The following UNC79 variants were observed in gnomAD, a reference collection of about 807,000 sequenced individuals.
The protein encoded by UNC79 is protein unc-79 homolog.
In UNC79, 37 loss-of-function variants were observed where a neutral mutation model predicts 283.1. The observed-to-expected ratio is 0.13, with a 90% CI of 0.10 to 0.17. UNC79 has a LOEUF of 0.17. UNC79 is among the 10% of genes least tolerant of loss of function. The pLI is 1.00. For missense variants in UNC79, 2,272 were observed against 3,211.1 expected, an observed-to-expected ratio of 0.71 and a Z score of 7.07; for synonymous variants, 1,107 against 1,200.2, an observed-to-expected ratio of 0.92 and a Z score of 1.61.
intron 14 of UNC79, among the ~76,000 whole-genome samples, chr14:93,562,150 A>G (rs2062597606): frequency 6.6e-6 from 1 of 152,206 alleles, no homozygotes; most frequent in Non-Finnish European, 1.5e-5. Context: ...TTATTCTGGA[A>G]CGGTGAACCC....
chr14:93,353,135 A>G (rs1207115361), intron 1 of UNC79, among the ~76,000 whole-genome samples: 2 of 152,142 alleles, frequency 1.3e-5, no homozygotes, highest in Non-Finnish European at 2.9e-5. Flanking sequence ...TTTCTTCTCC[A>G]CAGGACCCTG....
intron 40 of UNC79, among the ~76,000 whole-genome samples, chr14:93,672,548 T>C (rs2072973405): frequency 6.6e-6 from 1 of 152,112 alleles, no homozygotes; most frequent in Admixed American, 6.6e-5. Flanking sequence ...GAGTGGTTCA[T>C]GGGTACAAGC....
At chr14:93,581,154 T>C (rs2063773285) in intron 19 of UNC79, among the ~76,000 whole-genome samples, 1 of 152,136 alleles carries the variant, frequency 6.6e-6, no homozygotes, top group Admixed American at 6.5e-5. Context: ...TTTGTGTCTT[T>C]AAATTTTTTT....
At chr14:93,459,757 G>A (rs2056896279) in intron 1 of UNC79, among the ~76,000 whole-genome samples, 1 of 112,652 alleles carries the variant, frequency 8.9e-6, no homozygotes, top group South Asian at 3.2e-4. Context: ...TGCAAGCTCC[G>A]CCTCTTGGGT....
At chr14:93,544,158 T>G (rs1421237053) in intron 14 of UNC79, among the ~76,000 whole-genome samples, 1 of 152,228 alleles carries the variant, frequency 6.6e-6, no homozygotes, top group African/African-American at 2.4e-5. Flanking sequence ...TATTCCAACT[T>G]AGGTGCAGAT....
At chr14:93,704,261 A>G (rs1054780325) in intron 47 of UNC79, among the ~76,000 whole-genome samples, 1 of 152,168 alleles carries the variant, frequency 6.6e-6, no homozygotes, top group South Asian at 2.1e-4. Context: ...TCGCCATTCC[A>G]CTCAGACACT....
Position 93,690,066 on chromosome 14 carries a change from A to T in UNC79, c.7086-51A>T. 1 of 1,589,026 alleles carries T rather than the reference A, an allele frequency of 6.3e-7. No individual in the cohort carries two copies. The highest frequency in any genetic ancestry group is 1.1e-5 in the South Asian group (1 of 87,600). On this transcript the variant is annotated intron_variant, in intron 44 of 48. Coordinates refer to ENST00000555664, the Ensembl canonical transcript of UNC79. This position sits in a 1 kb window ranked among gnomAD's most constrained non-coding sequence, Gnocchi z 4.3. ...TTCAATAAGCATTTGTTATGCACCC[A>T]ATGAAACACAAAACATAAAATCATC... is the stretch of plus-strand genomic sequence containing the variant.
At chr14:93,409,659 G>C (rs2055296477) in intron 1 of UNC79, among the ~76,000 whole-genome samples, 1 of 152,132 alleles carries the variant, frequency 6.6e-6, no homozygotes, top group African/African-American at 2.4e-5. Flanking sequence ...CTGCACTACA[G>C]CCTGGGTGAC....
chr14:93,698,450 T>A (rs1351923735), intron 47 of UNC79, among the ~76,000 whole-genome samples: 1 of 151,146 alleles, frequency 6.6e-6, no homozygotes, highest in East Asian at 1.9e-4. Flanking sequence ...CTCTTCATCT[T>A]TGGTAATATT....
intron 42 of UNC79, 93 bp downstream of exon 45, chr14:93,682,787 C>T: frequency 8.1e-7 from 1 of 1,236,542 alleles, no homozygotes; most frequent in Non-Finnish European, 1.2e-6. Context: ...GGGTTTGAGG[C>T]CTGCCATTTA....
chr14:93,340,441 CAAAAAAA>C (rs1193751068), intron 1 of UNC79, among the ~76,000 whole-genome samples: 4 of 64,448 alleles, frequency 6.2e-5, no homozygotes, highest in South Asian at 6.1e-4. Flanking sequence ...AACGCTGTCT[CAAAAAAA>C]AAAAAAAAAA....
intron 47 of UNC79, among the ~76,000 whole-genome samples, chr14:93,704,129 C>G (rs1416151520): frequency 6.6e-6 from 1 of 152,220 alleles, no homozygotes; most frequent in Non-Finnish European, 1.5e-5. Flanking sequence ...ACACCCGGCT[C>G]AGTCTCGCTG....
At chr14:93,355,588 C>A (rs2054070179) in intron 1 of UNC79, among the ~76,000 whole-genome samples, 1 of 152,222 alleles carries the variant, frequency 6.6e-6, no homozygotes, top group Non-Finnish European at 1.5e-5. Flanking sequence ...CCGCCTTGGC[C>A]TCCCAAAGTA....
chr14:93,493,901 A>AT (rs71129642), intron 5 of UNC79, among the ~76,000 whole-genome samples: 166 of 49,248 alleles, frequency 3.4e-3, no homozygotes, highest in African/African-American at 0.011. Context: ...ATATATATAT[A>AT]TTTTTTTTTT....
chr14:93,662,651 T>A (rs759195131), exon 40 of UNC79: 2 of 1,612,190 alleles, frequency 1.2e-6, no homozygotes, highest in African/African-American at 2.7e-5. Context: ...TAATTCAGAA[T>A]GCCGTCTTCA....
chr14:93,554,352 CAAA>C (rs779847738), intron 14 of UNC79, among the ~76,000 whole-genome samples: 3 of 76,320 alleles, frequency 3.9e-5, no homozygotes, highest in Non-Finnish European at 2.8e-5. Context: ...GACTCTGTCT[CAAA>C]AAAAAAAAAA....
chr14:93,468,497 C>G (rs1043328316), intron 2 of UNC79, among the ~76,000 whole-genome samples: 35 of 152,322 alleles, frequency 2.3e-4, no homozygotes, highest in Admixed American at 1.3e-3. Flanking sequence ...TGTGGTTTCT[C>G]CATTACCACG....
chr14:93,588,633 C>T (rs1595968755), intron 22 of UNC79, among the ~76,000 whole-genome samples: 1 of 147,850 alleles, frequency 6.8e-6, no homozygotes. Flanking sequence ...CCCAGCTACT[C>T]GGGAGGCTGA....
chr14:93,453,262 A>G (rs1321002550), intron 1 of UNC79, among the ~76,000 whole-genome samples: 1 of 152,202 alleles, frequency 6.6e-6, no homozygotes, highest in Admixed American at 6.5e-5. Flanking sequence ...ATTGAGCCAC[A>G]TTGATTGGAT....
Sources: gnomAD v4.1 joint callset for allele counts (sites outside exome capture counted in the v4.1 genomes callset) on GRCh38, gnomAD v4.1.1 for gene constraint, Gnocchi (gnomAD v3.1) non-coding constraint, MANE v1.5 for transcripts, NCBI Gene and HGNC (gene_info 2026-07-23, HGNC 2026-07-21) for gene names.